AEBP2: variants seen among roughly 807,000 people sequenced by gnomAD.
AEBP2 encodes the protein AE binding protein 2.
AEBP2 carries 10 observed loss-of-function variants against 50.8 expected under a neutral mutation model. The observed-to-expected ratio is 0.20, with a 90% CI of 0.12 to 0.33. AEBP2 has a LOEUF of 0.33. AEBP2 is among the 10% of genes least tolerant of loss of function. The pLI is 1.00. For synonymous variants in AEBP2, 296 were observed against 261.3 expected, an observed-to-expected ratio of 1.13 and a Z score of -1.28; for missense variants, 570 against 688.0, an observed-to-expected ratio of 0.83 and a Z score of 1.92.
rs1451364702 is a variant in AEBP2 at position 19,521,729 on chromosome 12, T to C, written c.*3612T>C. On this transcript the variant is annotated 3_prime_UTR_variant, in exon 8 of 8. Coordinates refer to ENST00000266508, the MANE Select transcript of AEBP2 (RefSeq NM_153207.5). Reference sequence around the variant, plus strand: ...CCCTTTTACACATTAATAAAATGTTTTAAATATGGTAATACTCTTAAAACG... The same window carrying C: ...CCCTTTTACACATTAATAAAATGTTCTAAATATGGTAATACTCTTAAAACG... 2 of 152,130 alleles carry C rather than the reference T, an allele frequency of 1.3e-5. No homozygotes were observed. The highest frequency in any genetic ancestry group is 4.8e-5 in the African/African-American group (2 of 41,458). 9.4% of individuals were successfully genotyped at this position (152,130 alleles called of 1,614,324 possible). A position where few individuals can be genotyped will look rare whatever the true frequency, so the allele number is the denominator to read the frequency against.
Position 19,439,720 on chromosome 12 carries a change from C to T in AEBP2, c.21C>T (p.Asp7=). The T allele has an allele frequency of 6.6e-7, 1 of 1,516,904 alleles. No individual in the cohort carries two copies. The highest frequency in any genetic ancestry group is 8.8e-7 in the Non-Finnish European group (1 of 1,138,956). 94.0% of individuals were successfully genotyped at this position (1,516,904 alleles called of 1,614,324 possible). The change falls in exon 1 of 8, where the codon GAC becomes GAT. Residue 7 remains aspartate, a synonymous_variant. Coordinates refer to ENST00000266508, the MANE Select transcript of AEBP2 (RefSeq NM_153207.5). ...CCGCCATGGCCGCCGCTATCACCGA[C>T]ATGGCCGACCTGGAGGAGCTCTCCC... MAAAIT[D]MADLEELSRL...
intron 3 of AEBP2, among the ~76,000 whole-genome samples, chr12:19,492,138 A>G (rs1052386798): frequency 6.6e-6 from 1 of 152,202 alleles, no homozygotes; most frequent in East Asian, 1.9e-4. Flanking sequence ...TGACACATTT[A>G]TATGCTTAGA....
chr12:19,489,566 A>G (rs1001819393), intron 3 of AEBP2, among the ~76,000 whole-genome samples: 10 of 152,224 alleles, frequency 6.6e-5, no homozygotes, highest in African/African-American at 2.4e-4. Flanking sequence ...CTTTTTCATC[A>G]GAACACCATG....
chr12:19,460,540 G>A (rs1187455989), intron 1 of AEBP2, among the ~76,000 whole-genome samples: 1 of 151,932 alleles, frequency 6.6e-6, no homozygotes, highest in African/African-American at 2.4e-5. Flanking sequence ...TTTTAGTAGA[G>A]ATGTGGTTTC....
chr12:19,428,595 T>A (rs574281434), intron 1 of AEBP2, among the ~76,000 whole-genome samples: 14 of 152,338 alleles, frequency 9.2e-5, no homozygotes, highest in Admixed American at 9.1e-4. Flanking sequence ...GCGGATCACC[T>A]GATGTCAGGA....
rs1256617959 is a variant in AEBP2, at chr12:19,518,642, A to G, written c.*525A>G. The G allele has an allele frequency of 6.8e-7, 1 of 1,461,480 alleles. No homozygotes were observed. Among genetic ancestry groups the G allele is most frequent in the Non-Finnish European group, 9.2e-7 (1 of 1,084,544 alleles). 90.5% of individuals were successfully genotyped at this position (1,461,480 alleles called of 1,614,324 possible). A position where few individuals can be genotyped will look rare whatever the true frequency, so the allele number is the denominator to read the frequency against. On this transcript the variant is annotated 3_prime_UTR_variant, in exon 8 of 8. Coordinates refer to ENST00000266508, the MANE Select transcript of AEBP2 (RefSeq NM_153207.5). ...TTTACCTTTCAATTATGATAAATAG[A>G]TGTGATTGGTTGCCATTTGTGTTCT... is the stretch of plus-strand genomic sequence containing the variant.
At chr12:19,490,719 A>G (rs1353672981) in intron 3 of AEBP2, among the ~76,000 whole-genome samples, 3 of 152,012 alleles carry the variant, frequency 2.0e-5, no homozygotes, top group South Asian at 2.1e-4. Flanking sequence ...ACCCACCTCA[A>G]CCTCCCAAAG....
intron 1 of AEBP2, among the ~76,000 whole-genome samples, chr12:19,461,782 A>G (rs939290692): frequency 3.9e-5 from 6 of 152,212 alleles, no homozygotes; most frequent in African/African-American, 7.2e-5. Context: ...AAGTGCTGGA[A>G]TTACAGGAGT....
chr12:19,486,464 G>A (rs1388171935), intron 3 of AEBP2, among the ~76,000 whole-genome samples: 2 of 151,730 alleles, frequency 1.3e-5, no homozygotes, highest in African/African-American at 2.4e-5. Context: ...TGATCTCTAC[G>A]CACTGCAGCC....
chr12:19,422,786 G>A lies in AEBP2; in HGVS notation c.-17+18570G>A, dbSNP rs546230568. On this transcript the variant is annotated intron_variant, in intron 1 of 3. Coordinates refer to the AEBP2 transcript ENST00000538425. ...AGCTGTAAGAACATCTGCCCAGGCC[G>A]GGCATGGTGGCTCATGGCTGTAATC... 7.9e-5 allele frequency among the ~76,000 whole-genome samples: 12 copies of A among 152,162 alleles called. No homozygotes were observed. The South Asian group carries it at 1.2e-3, about 16-fold the overall frequency.
At chr12:19,477,126 T>C (rs1948660069) in intron 3 of AEBP2, among the ~76,000 whole-genome samples, 1 of 152,156 alleles carries the variant, frequency 6.6e-6, no homozygotes, top group Non-Finnish European at 1.5e-5. Context: ...TCATTGTTGG[T>C]GTAGAGCAGT....
chr12:19,461,218 T>G (rs945895339), intron 1 of AEBP2, among the ~76,000 whole-genome samples: 6 of 152,204 alleles, frequency 3.9e-5, no homozygotes, highest in African/African-American at 1.4e-4. Flanking sequence ...CACCTTTTCA[T>G]AGATTTAATC....
At chr12:19,495,468 A>G (rs963173760) in intron 4 of AEBP2, among the ~76,000 whole-genome samples, 2 of 151,900 alleles carry the variant, frequency 1.3e-5, no homozygotes, top group East Asian at 1.9e-4. Context: ...AGAAAACTTT[A>G]TATTTCGTTT....
intron 1 of AEBP2, among the ~76,000 whole-genome samples, chr12:19,420,021 GTT>G (rs569003269): frequency 0.011 from 1,366 of 128,822 alleles, 42 homozygotes; most frequent in Admixed American, 0.069. Context: ...TGCATTAATA[GTT>G]TTTTTTTTTT....
intron 2 of AEBP2, among the ~76,000 whole-genome samples, chr12:19,464,003 A>G (rs931625884): frequency 1.3e-5 from 2 of 152,164 alleles, no homozygotes; most frequent in Admixed American, 6.5e-5. Context: ...CTGTCACAAT[A>G]TATTATAATG....
Position 19,473,339 on chromosome 12 carries a change from G to T in AEBP2, c.971G>T (p.Gly324Val). The T allele has an allele frequency of 6.8e-7, 1 of 1,462,946 alleles. No homozygotes were observed. Among genetic ancestry groups the T allele is most frequent in the South Asian group, 1.5e-5 (1 of 67,606 alleles). The allele number at this position is 1,462,946 out of a possible 1,614,324, so 90.6% of individuals were successfully genotyped here. ...CAAAGGCATATGCTGACACACAGTG[G>T]AGACAAACCTTTCAAGGTAAGGATG... ...WLQRHMLTHS[G>V]DKPFKCVVGG... The change falls in exon 3 of 8, where the codon GGA becomes GTA. Residue 324 changes from glycine to valine, a missense_variant. Coordinates refer to ENST00000266508, the MANE Select transcript of AEBP2 (RefSeq NM_153207.5).
chr12:19,444,891 T>C (rs1359272533), intron 1 of AEBP2, among the ~76,000 whole-genome samples: 9 of 152,192 alleles, frequency 5.9e-5, no homozygotes, highest in Non-Finnish European at 1.0e-4. Context: ...AGTATGTATG[T>C]ATGCATTTAT....
intron 4 of AEBP2, among the ~76,000 whole-genome samples, chr12:19,494,477 G>T (rs1031642064): frequency 6.7e-6 from 1 of 149,526 alleles, no homozygotes. Flanking sequence ...AGCAATGTGT[G>T]TGGATAACAA....
Position 19,493,598 on chromosome 12 carries a change from A to C in AEBP2, c.988-202A>C, listed in dbSNP as rs11044610. On this transcript the variant is annotated intron_variant, in intron 3 of 7. Transcript: ENST00000266508. ...AGGTCGTGAAACTTGTTGCATTTTC[A>C]AGCTTTGTCTAATGTATGTCATCTT... Among the ~76,000 whole-genome samples the C allele has an allele frequency of 0.17, 25,241 of 152,058 alleles. 3,693 individuals are homozygous for C. The highest frequency in any genetic ancestry group is 0.39 in the African/African-American group (16,148 of 41,452).
Sources: allele counts gnomAD v4.1 joint callset (sites outside exome capture counted in the v4.1 genomes callset), GRCh38; gene constraint gnomAD v4.1.1; transcripts MANE v1.5; gene names NCBI Gene and HGNC (gene_info 2026-07-23, HGNC 2026-07-21).